The following EXOC5 variants were observed in gnomAD, a reference collection of about 807,000 sequenced individuals.
EXOC5 encodes the protein exocyst complex component 5, also known as SEC10-like 1.
Under a neutral mutation model 90.8 loss-of-function variants are expected in EXOC5, and 17 were observed. That is an observed-to-expected ratio of 0.19 (90% CI 0.13 to 0.28). The LOEUF (loss-of-function observed/expected upper bound fraction) is 0.28. Among genes scored for constraint, EXOC5 ranks in the 10% least tolerant of loss-of-function variants. The probability of loss-of-function intolerance (pLI) is 1.00; values close to 1 mark genes in which losing one functional copy is unlikely to be tolerated. For synonymous variants in EXOC5, 260 were observed against 270.0 expected (o/e 0.96, Z 0.36); for missense variants, 569 against 830.6 (o/e 0.69, Z 3.87).
chr14:57,225,975 T>A (rs1275868409), intron 12 of EXOC5, among the ~76,000 whole-genome samples: 1 of 152,162 alleles, frequency 6.6e-6, no homozygotes. Context: ...ATGTCAGAGG[T>A]GGGTAGAGGA....
Position 57,205,921 on chromosome 14 carries a change from T to TA in EXOC5, c.*2687dup. 1 of 456,280 alleles carries TA rather than the reference T, an allele frequency of 2.2e-6. No homozygotes were observed. The highest frequency in any genetic ancestry group is 4.4e-6 in the Non-Finnish European group (1 of 226,656). The allele number at this position is 456,280 out of a possible 1,614,324, so 28.3% of individuals were successfully genotyped here. A position where few individuals can be genotyped will look rare whatever the true frequency, so the allele number is the denominator to read the frequency against. The stretch of plus-strand genomic sequence containing the variant: ...TGGAATGGTCAGGTGGTCATCCATC[T>TA]AAAGATCCATCCAGCTACTATTTAA... On this transcript the variant is annotated 3_prime_UTR_variant, in exon 18 of 18. Transcript: ENST00000621441.
intron 2 of EXOC5, among the ~76,000 whole-genome samples, chr14:57,247,386 A>G (rs1884061899): frequency 6.6e-6 from 1 of 152,158 alleles, no homozygotes; most frequent in African/African-American, 2.4e-5. Flanking sequence ...GAAATGTCAA[A>G]TTCTTATACT....
intron 13 of EXOC5, 120 bp from the exon 14 acceptor site, chr14:57,219,562 T>A: frequency 1.3e-6 from 1 of 741,770 alleles, no homozygotes; most frequent in Non-Finnish European, 2.2e-6. Context: ...GCTATTTTAA[T>A]ACATCAATAA....
chr14:57,255,075 AG>A (rs1403572854), intron 1 of EXOC5, among the ~76,000 whole-genome samples: 3 of 152,208 alleles, frequency 2.0e-5, no homozygotes, highest in African/African-American at 7.2e-5. Flanking sequence ...GCAACCAAGT[AG>A]AAAAAATGAC....
intron 1 of EXOC5, among the ~76,000 whole-genome samples, chr14:57,253,186 T>C (rs747702428): frequency 9.9e-5 from 15 of 152,192 alleles, no homozygotes; most frequent in Admixed American, 3.9e-4. Flanking sequence ...GACACAAATA[T>C]GTAGTTAGAT....
rs1426196425 is a variant in EXOC5, at chr14:57,222,395, G to C, written c.1318C>G (p.Pro440Ala). The C allele has an allele frequency of 1.3e-6, 2 of 1,595,498 alleles. No homozygotes were observed. Among genetic ancestry groups the C allele is most frequent in the Middle Eastern group, 3.3e-4 (2 of 6,014 alleles). Reference protein sequence around the residue: ...CHRLSDPSDLPRNAFRIFTIL... With the variant: ...CHRLSDPSDLARNAFRIFTIL... ...GTAAAAATTCTGAAGGCATTCCTTG[G>C]TAAGTCAGAAGGATCAGAGAGCTTA... is the stretch of plus-strand genomic sequence containing the variant. The change falls in exon 13 of 18, where the codon CCA becomes GCA. Residue 440 changes from proline (P) to alanine (A), a missense_variant. By Grantham distance (27) the Pro-to-Ala change is conservative (BLOSUM62 -1). Around this residue, in one of 9 missense-constraint regions of EXOC5, gnomAD observed 56 missense variants for 51.1 expected, o/e 1.10. Transcript: ENST00000621441.
intron 1 of EXOC5, among the ~76,000 whole-genome samples, chr14:57,258,923 C>T (rs1048757493): frequency 6.6e-6 from 1 of 152,096 alleles, no homozygotes; most frequent in African/African-American, 2.4e-5. Context: ...AGTCTCAGAT[C>T]GTTTCAGAGA....
At chr14:57,219,980 T>A (rs923787747) in intron 13 of EXOC5, among the ~76,000 whole-genome samples, 5 of 152,182 alleles carry the variant, frequency 3.3e-5, no homozygotes, top group African/African-American at 9.6e-5. Context: ...GACCTCAAAA[T>A]GTCAGCTGAC....
At chr14:57,222,176 A>G in intron 13 of EXOC5, 132 bp downstream of exon 13, 1 of 518,222 alleles carries the variant, frequency 1.9e-6, no homozygotes, top group Admixed American at 3.7e-5. Flanking sequence ...TTGCATTATA[A>G]AAGCTCAAAC....
At chr14:57,247,245 A>G (rs569052814) in intron 2 of EXOC5, among the ~76,000 whole-genome samples, 174 of 152,308 alleles carry the variant, frequency 1.1e-3, no homozygotes, top group Non-Finnish European at 2.1e-3. Context: ...CAAATGTACT[A>G]TATAAAAATA....
intron 1 of EXOC5, among the ~76,000 whole-genome samples, chr14:57,253,187 G>A (rs1388405292): frequency 6.6e-6 from 1 of 152,080 alleles, no homozygotes; most frequent in Non-Finnish European, 1.5e-5. Context: ...ACACAAATAT[G>A]TAGTTAGATA....
At chr14:57,212,405 A>C (rs114591625) in intron 15 of EXOC5, among the ~76,000 whole-genome samples, 74 of 152,322 alleles carry the variant, frequency 4.9e-4, no homozygotes, top group African/African-American at 1.8e-3. Context: ...ATAACGGTGG[A>C]CCCAACAAGA....
At chr14:57,222,794 CACAT>C (rs555083513) in intron 12 of EXOC5, among the ~76,000 whole-genome samples, 2,111 of 151,326 alleles carry the variant, frequency 0.014, 27 homozygotes, top group South Asian at 0.033. Flanking sequence ...TACACACACA[CACAT>C]ACACACACAC....
rs1883971417 is a variant in EXOC5, at chr14:57,244,413, C to G, written c.271-54G>C. 5.8e-6 allele frequency: 7 copies of G among 1,203,894 alleles called. No homozygotes were observed. The South Asian group carries it at 8.7e-5, about 15-fold the overall frequency. 74.6% of individuals were successfully genotyped at this position (1,203,894 alleles called of 1,614,324 possible). A position where few individuals can be genotyped will look rare whatever the true frequency, so the allele number is the denominator to read the frequency against. The stretch of plus-strand genomic sequence containing the variant: ...ACAATCAGTGTGCTCAGTTTATAAT[C>G]TAAACTACTACTCTTATTGCTACTA... On this transcript the variant is annotated intron_variant, in intron 3 of 17. Transcript: ENST00000621441.
intron 4 of EXOC5, chr14:57,243,217 C>G (rs1266985676): frequency 6.6e-6 from 1 of 151,978 alleles, no homozygotes; most frequent in Non-Finnish European, 1.5e-5. Context: ...TTCTTATAAC[C>G]AAAAAACCAC....
At position 57,207,378 on chromosome 14, in the gene EXOC5, T is replaced by C. The variant is rs529530102; in HGVS notation, c.*1231A>G. The C allele has an allele frequency of 2.0e-5, 3 of 152,630 alleles. No individual in the cohort carries two copies. The highest frequency in any genetic ancestry group is 1.9e-4 in the East Asian group (1 of 5,190). The allele number at this position is 152,630 out of a possible 1,614,324, so 9.5% of individuals were successfully genotyped here. A position where few individuals can be genotyped will look rare whatever the true frequency, so the allele number is the denominator to read the frequency against. Reference sequence around the variant, plus strand: ...CCACAATGGGAGCTGAAACACTATATATAATTTAGAATGCATTCTCCCAGA... The same window carrying C: ...CCACAATGGGAGCTGAAACACTATACATAATTTAGAATGCATTCTCCCAGA... On this transcript the variant is annotated 3_prime_UTR_variant, in exon 18 of 18. Coordinates refer to ENST00000621441, the MANE Select transcript of EXOC5 (RefSeq NM_006544.4).
intron 1 of EXOC5, among the ~76,000 whole-genome samples, chr14:57,263,257 G>C (rs374518264): frequency 6.6e-6 from 1 of 152,078 alleles, no homozygotes; most frequent in South Asian, 2.1e-4. Context: ...GACCACTTGT[G>C]TCCTGGAGTT....
At position 57,202,069 on chromosome 14, in the gene EXOC5, T is replaced by C. The variant is rs556235890; in HGVS notation, c.*6540A>G. On this transcript the variant is annotated 3_prime_UTR_variant, in exon 18 of 18. Transcript: ENST00000621441. ...CAAATTGAAATTGTGTACTATGTGATAGGATGCAACAATAACACAGAGTTG... is the reference window on the plus strand; with the variant it reads ...CAAATTGAAATTGTGTACTATGTGACAGGATGCAACAATAACACAGAGTTG... 3.9e-5 allele frequency: 6 copies of C among 152,228 alleles called. No homozygotes were observed. The highest frequency in any genetic ancestry group is 7.4e-5 in the Non-Finnish European group (5 of 68,014). The allele number at this position is 152,228 out of a possible 1,614,324, so 9.4% of individuals were successfully genotyped here. A position where few individuals can be genotyped will look rare whatever the true frequency, so the allele number is the denominator to read the frequency against.
chr14:57,253,929 T>A (rs975954592), intron 1 of EXOC5, among the ~76,000 whole-genome samples: 9 of 152,204 alleles, frequency 5.9e-5, no homozygotes, highest in African/African-American at 2.2e-4. Context: ...TTCTAGATAC[T>A]GGATTTGGCA....
Sources: gnomAD v4.1 joint callset for allele counts (sites outside exome capture counted in the v4.1 genomes callset) on GRCh38, gnomAD v4.1.1 for gene constraint, gnomAD v4.1.1 regional missense constraint, MANE v1.5 for transcripts, NCBI Gene and HGNC (gene_info 2026-07-23, HGNC 2026-07-21) for gene names.